Variants in CADPS2 observed in about 807,000 individuals in gnomAD.
CADPS2 encodes the protein calcium dependent secretion activator 2, also known as calcium-dependent secretion activator 2.
A neutral mutation model predicts 172.5 loss-of-function variants in CADPS2; 93 were observed. That is an observed-to-expected ratio of 0.54 (90% CI 0.46 to 0.64). CADPS2 has a LOEUF of 0.64. Among genes scored for constraint, CADPS2 ranks in the 30% least tolerant of loss-of-function variants. CADPS2 has a pLI of 0.00. For synonymous variants in CADPS2, 546 were observed against 555.2 expected, an observed-to-expected ratio of 0.98 and a Z score of 0.23; for missense variants, 1,420 against 1,565.9, an observed-to-expected ratio of 0.91 and a Z score of 1.57.
At chr7:122,786,946 T>C (rs905301818) in intron 1 of CADPS2, among the ~76,000 whole-genome samples, 3 of 152,176 alleles carry the variant, frequency 2.0e-5, no homozygotes, top group East Asian at 3.9e-4. Flanking sequence ...GGATGTAGCA[T>C]TTCTCACAGC....
At chr7:122,880,269 C>G (rs1024711217) in intron 1 of CADPS2, among the ~76,000 whole-genome samples, 8 of 152,094 alleles carry the variant, frequency 5.3e-5, no homozygotes, top group African/African-American at 1.9e-4. Flanking sequence ...CTTTCTGTTG[C>G]TAATGTGGTG....
chr7:122,729,676 G>T (rs1387638621), intron 2 of CADPS2, among the ~76,000 whole-genome samples: 5 of 94,232 alleles, frequency 5.3e-5, no homozygotes, highest in Admixed American at 2.3e-4. Context: ...ATTTTTAACG[G>T]TTTTTTTTTT....
intron 7 of CADPS2, among the ~76,000 whole-genome samples, chr7:122,564,357 G>A (rs1172509586): frequency 6.6e-6 from 1 of 152,100 alleles, no homozygotes; most frequent in Non-Finnish European, 1.5e-5. Context: ...CAGGCAGGCT[G>A]GAGTGCAGTG....
chr7:122,353,577 T>C (rs762201314), intron 27 of CADPS2, among the ~76,000 whole-genome samples: 2 of 152,202 alleles, frequency 1.3e-5, no homozygotes, highest in East Asian at 1.9e-4. Context: ...GCGTGTGTGA[T>C]AATGTTAATA....
chr7:122,439,912 T>G (rs2051137057), intron 16 of CADPS2, among the ~76,000 whole-genome samples: 1 of 152,114 alleles, frequency 6.6e-6, no homozygotes, highest in South Asian at 2.1e-4. Flanking sequence ...AGAATGTATA[T>G]GTCTCCCAGG....
chr7:122,775,495 A>T (rs2093850400), intron 1 of CADPS2, among the ~76,000 whole-genome samples: 1 of 152,234 alleles, frequency 6.6e-6, no homozygotes, highest in Admixed American at 6.5e-5. Flanking sequence ...ATTATTTTAA[A>T]GGAGCTACTA....
At chr7:122,838,015 A>G (rs570387551) in intron 1 of CADPS2, among the ~76,000 whole-genome samples, 1 of 152,372 alleles carries the variant, frequency 6.6e-6, no homozygotes, top group African/African-American at 2.4e-5. Flanking sequence ...ATGAATATTG[A>G]TGCAAAAATC....
chr7:122,824,625 T>G (rs1233472843), intron 1 of CADPS2, among the ~76,000 whole-genome samples: 1 of 152,230 alleles, frequency 6.6e-6, no homozygotes, highest in African/African-American at 2.4e-5. Flanking sequence ...AAATAAATAC[T>G]TTTAGTCCTT....
intron 1 of CADPS2, among the ~76,000 whole-genome samples, chr7:122,793,508 A>C (rs907621764): frequency 1.3e-5 from 2 of 151,686 alleles, no homozygotes; most frequent in Admixed American, 1.3e-4. Flanking sequence ...TTTTATTTTG[A>C]GCTTATGTGT....
At chr7:122,387,759 T>C (rs1055521883) in intron 23 of CADPS2, among the ~76,000 whole-genome samples, 11 of 152,034 alleles carry the variant, frequency 7.2e-5, no homozygotes, top group African/African-American at 2.2e-4. Flanking sequence ...AAGTATCCTA[T>C]GAAAATCCAC....
intron 2 of CADPS2, among the ~76,000 whole-genome samples, chr7:122,692,346 C>T (rs912546554): frequency 1.4e-4 from 22 of 152,306 alleles, no homozygotes; most frequent in African/African-American, 5.3e-4. Context: ...GATCACTGGG[C>T]GAGCCTGCAA....
chr7:122,725,483 T>A (rs1368367330), intron 2 of CADPS2, among the ~76,000 whole-genome samples: 2 of 151,808 alleles, frequency 1.3e-5, no homozygotes, highest in Admixed American at 6.6e-5. Flanking sequence ...TCTGGGCTTT[T>A]AGTGTACCCA....
chr7:122,859,975 A>AT (rs1365665875), intron 1 of CADPS2, among the ~76,000 whole-genome samples: 1 of 152,188 alleles, frequency 6.6e-6, no homozygotes. Flanking sequence ...TGAAATGCAG[A>AT]TAAAAACATC....
In CADPS2 at chr7:122,884,367, T is replaced by C. The variant is rs142088358; in HGVS notation, c.339+1632A>G. On this transcript the variant is annotated intron_variant, in intron 1 of 29. Coordinates refer to ENST00000449022, the MANE Select transcript of CADPS2 (RefSeq NM_017954.11). ...AATTAGAGCAGCTGATTAGGAAGTATGGGATTCATACAGGAGTGGAGCAGC... is the reference window on the plus strand; with the variant it reads ...AATTAGAGCAGCTGATTAGGAAGTACGGGATTCATACAGGAGTGGAGCAGC... 1.7e-3 allele frequency among the ~76,000 whole-genome samples: 262 copies of C among 152,274 alleles called. 1 individual carries two copies. Among genetic ancestry groups the C allele is most frequent in the African/African-American group, 6.0e-3 (250 of 41,558 alleles).
intron 6 of CADPS2, among the ~76,000 whole-genome samples, chr7:122,596,217 T>C (rs907964154): frequency 1.3e-5 from 2 of 152,116 alleles, no homozygotes. Context: ...ACACACAGGC[T>C]TTTAAGCTCA....
chr7:122,883,605 CAT>C (rs796074993), intron 1 of CADPS2, among the ~76,000 whole-genome samples: 64 of 152,268 alleles, frequency 4.2e-4, no homozygotes, highest in African/African-American at 1.4e-3. Context: ...TTCACATAAA[CAT>C]AGTTAAATTC....
At chr7:122,532,395 A>G (rs1278206735) in intron 8 of CADPS2, among the ~76,000 whole-genome samples, 2 of 152,210 alleles carry the variant, frequency 1.3e-5, no homozygotes, top group Non-Finnish European at 2.9e-5. Context: ...TTGATAACTT[A>G]ATTTTTAAAG....
intron 25 of CADPS2, among the ~76,000 whole-genome samples, chr7:122,372,132 C>T (rs2041848211): frequency 6.6e-6 from 1 of 152,086 alleles, no homozygotes; most frequent in African/African-American, 2.4e-5. Flanking sequence ...GAAAACTGAG[C>T]CACAGAAAGC....
At chr7:122,551,453 A>G (rs1165257259) in intron 8 of CADPS2, among the ~76,000 whole-genome samples, 5 of 152,070 alleles carry the variant, frequency 3.3e-5, no homozygotes, top group African/African-American at 1.2e-4. Flanking sequence ...TATAAATAAC[A>G]TTGATAAAAA....
Sources: gnomAD v4.1 joint callset for allele counts (sites outside exome capture counted in the v4.1 genomes callset) on GRCh38, gnomAD v4.1.1 for gene constraint, MANE v1.5 for transcripts, NCBI Gene and HGNC (gene_info 2026-07-23, HGNC 2026-07-21) for gene names.